Variants in ADAMTS20 observed in about 807,000 individuals in gnomAD.
ADAMTS20 encodes A disintegrin and metalloproteinase with thrombospondin motifs 20.
Under a neutral mutation model 260.1 loss-of-function variants are expected in ADAMTS20, and 225 were observed. The ratio of observed to expected loss-of-function variants is 0.87; its 90% confidence interval spans 0.78 to 0.97. The LOEUF is 0.97. ADAMTS20 is among the 50% of genes least tolerant of loss of function. ADAMTS20 has a pLI of 0.00. For synonymous variants in ADAMTS20, 802 were observed against 769.5 expected (o/e 1.04, Z -0.70); for missense variants, 2,400 against 2,337.7 (o/e 1.03, Z -0.55).
chr12:43,429,311 A>G (rs1941395054), intron 24 of ADAMTS20, among the ~76,000 whole-genome samples: 1 of 152,192 alleles, frequency 6.6e-6, no homozygotes, highest in Non-Finnish European at 1.5e-5. Flanking sequence ...GTTCAAATAA[A>G]AGCCGATACA....
intron 7 of ADAMTS20, among the ~76,000 whole-genome samples, chr12:43,482,322 G>C (rs573821178): frequency 2.0e-4 from 31 of 152,326 alleles, no homozygotes; most frequent in African/African-American, 7.2e-4. Flanking sequence ...GGACACCTTT[G>C]CTTCATGGGC....
chr12:43,513,815 A>T (rs896549338), intron 3 of ADAMTS20, among the ~76,000 whole-genome samples: 4 of 151,766 alleles, frequency 2.6e-5, no homozygotes, highest in Non-Finnish European at 5.9e-5. Context: ...GCAAGGACAA[A>T]AAAACAAACA....
rs1231500453 is a variant in ADAMTS20, at chr12:43,434,305, C to A, written c.2660G>T (p.Cys887Phe). ...SDHSVVSDKE[C>F]DHLPLPSFVT... Reference sequence around the variant, plus strand: ...AAATGATGGAAGTGGCAAGTGGTCACATTCTTTATCAGACACAACACTATG... The same window carrying A: ...AAATGATGGAAGTGGCAAGTGGTCAAATTCTTTATCAGACACAACACTATG... The change falls in exon 19 of 39, where the codon TGT becomes TTT. Residue 887 changes from cysteine (C) to phenylalanine (F), a missense_variant. By Grantham distance (205) the Cys-to-Phe change is radical (BLOSUM62 -2). Coordinates refer to ENST00000389420, the MANE Select transcript of ADAMTS20 (RefSeq NM_025003.5). The A allele has an allele frequency of 6.3e-7, 1 of 1,592,650 alleles. No individual in the cohort carries two copies. The highest frequency in any genetic ancestry group is 8.6e-7 in the Non-Finnish European group (1 of 1,168,118).
intron 14 of ADAMTS20, among the ~76,000 whole-genome samples, chr12:43,447,881 C>T (rs756346885): frequency 4.9e-4 from 74 of 152,062 alleles, no homozygotes; most frequent in Non-Finnish European, 7.5e-4. Context: ...GGAACACAAT[C>T]CCCTTCACAA....
Position 43,354,111 on chromosome 12 carries a change from G to A in ADAMTS20, c.*98C>T. 1 of 893,298 alleles carries A rather than the reference G, an allele frequency of 1.1e-6. No individual in the cohort carries two copies. The highest frequency in any genetic ancestry group is 1.7e-6 in the Non-Finnish European group (1 of 599,884). The allele number at this position is 893,298 out of a possible 1,614,324, so 55.3% of individuals were successfully genotyped here. On this transcript the variant is annotated 3_prime_UTR_variant, in exon 39 of 39. Transcript: ENST00000389420. ...AAAAGGCAGAGACATATTGGACATGGAAATCTCGGGAAGGGAGATATAAAG... is the reference window on the plus strand; with the variant it reads ...AAAAGGCAGAGACATATTGGACATGAAAATCTCGGGAAGGGAGATATAAAG...
At chr12:43,448,149 C>T (rs536890471) in intron 14 of ADAMTS20, among the ~76,000 whole-genome samples, 1 of 146,128 alleles carries the variant, frequency 6.8e-6, no homozygotes, top group South Asian at 2.3e-4. Context: ...TTTTAAAATT[C>T]ACATGGAACC....
At chr12:43,386,146 T>C (rs759602892) in intron 29 of ADAMTS20, among the ~76,000 whole-genome samples, 48 of 152,322 alleles carry the variant, frequency 3.2e-4, no homozygotes, top group Non-Finnish European at 6.0e-4. Context: ...TTCAGGTCTC[T>C]ATCTCCTTTG....
At chr12:43,519,962 A>G (rs2137479479) in intron 3 of ADAMTS20, among the ~76,000 whole-genome samples, 1 of 152,348 alleles carries the variant, frequency 6.6e-6, no homozygotes, top group Admixed American at 6.5e-5. Flanking sequence ...ACACAAAATT[A>G]TTAAATGCCA....
At chr12:43,534,965 C>A (rs761286441) in intron 2 of ADAMTS20, among the ~76,000 whole-genome samples, 1 of 152,112 alleles carries the variant, frequency 6.6e-6, no homozygotes, top group South Asian at 2.1e-4. Context: ...ACCTCTACCT[C>A]TGCATCATCA....
chr12:43,438,306 G>A (rs1002762238), intron 18 of ADAMTS20, among the ~76,000 whole-genome samples: 7 of 151,920 alleles, frequency 4.6e-5, no homozygotes, highest in Non-Finnish European at 5.9e-5. Flanking sequence ...TTATATCCAC[G>A]GTCACAGATG....
chr12:43,439,250 C>T (rs1941613174), intron 18 of ADAMTS20, among the ~76,000 whole-genome samples: 1 of 151,968 alleles, frequency 6.6e-6, no homozygotes, highest in Admixed American at 6.6e-5. Context: ...AAAGAGGAAG[C>T]CAGGTTGTTG....
intron 10 of ADAMTS20, among the ~76,000 whole-genome samples, chr12:43,464,106 C>T (rs1942111586): frequency 6.6e-6 from 1 of 151,856 alleles, no homozygotes; most frequent in South Asian, 2.1e-4. Context: ...ATGAAAAATC[C>T]TCAAAATATT....
At chr12:43,532,302 T>G in intron 2 of ADAMTS20, 107 bp from the exon 3 acceptor site, 1 of 962,440 alleles carries the variant, frequency 1.0e-6, no homozygotes, top group Non-Finnish European at 1.5e-6. Flanking sequence ...CAGCAAGGAG[T>G]CTGTTCACTA....
chr12:43,353,065 T>C (rs1939669466), downstream of ADAMTS20, among the ~76,000 whole-genome samples: 1 of 152,100 alleles, frequency 6.6e-6, no homozygotes, highest in African/African-American at 2.4e-5. Flanking sequence ...GTAGATTCCA[T>C]TTGGTTTTTT....
At chr12:43,406,001 GT>G (rs980114895) in intron 28 of ADAMTS20, among the ~76,000 whole-genome samples, 1 of 152,096 alleles carries the variant, frequency 6.6e-6, no homozygotes, top group African/African-American at 2.4e-5. Context: ...CAACCTTTTC[GT>G]TTAAGTAAAG....
intron 11 of ADAMTS20, among the ~76,000 whole-genome samples, chr12:43,461,201 G>A (rs754542263): frequency 2.7e-5 from 4 of 150,830 alleles, no homozygotes; most frequent in South Asian, 2.1e-4. Context: ...TTGTTGGCCC[G>A]GCTGGTCTTG....
intron 29 of ADAMTS20, among the ~76,000 whole-genome samples, chr12:43,397,872 G>T (rs1195886219): frequency 2.0e-5 from 3 of 152,244 alleles, no homozygotes; most frequent in African/African-American, 7.2e-5. Flanking sequence ...AGAAATTTGA[G>T]ATTTTTACTC....
At chr12:43,528,160 T>A (rs1197999383) in intron 3 of ADAMTS20, among the ~76,000 whole-genome samples, 2 of 151,394 alleles carry the variant, frequency 1.3e-5, no homozygotes, top group East Asian at 3.9e-4. Context: ...CAACAAGAAC[T>A]ACAAAACACT....
chr12:43,456,475 C>T (rs1941965910), intron 11 of ADAMTS20, among the ~76,000 whole-genome samples: 1 of 152,138 alleles, frequency 6.6e-6, no homozygotes, highest in South Asian at 2.1e-4. Flanking sequence ...TCTCTCATAA[C>T]CCCGCCCCAT....
Sources: gnomAD v4.1 joint callset for allele counts (sites outside exome capture counted in the v4.1 genomes callset) on GRCh38, gnomAD v4.1.1 for gene constraint, MANE v1.5 for transcripts, NCBI Gene and HGNC (gene_info 2026-07-23, HGNC 2026-07-21) for gene names.